MCTP1: variants seen among roughly 807,000 people sequenced by gnomAD.
The protein encoded by MCTP1 is multiple C2 and transmembrane domain-containing protein 1.
Under a neutral mutation model 120.6 loss-of-function variants are expected in MCTP1, and 69 were observed. That is an observed-to-expected ratio of 0.57 (90% confidence interval 0.47 to 0.70). The LOEUF is 0.70. Ranked by LOEUF, MCTP1 falls within the 30% of genes least tolerant of loss-of-function variation. MCTP1 has a pLI of 0.00. For missense variants in MCTP1, 1,203 were observed against 1,248.8 expected, an observed-to-expected ratio of 0.96 and a Z score of 0.55; for synonymous variants, 529 against 493.1, an observed-to-expected ratio of 1.07 and a Z score of -0.96.
At chr5:94,758,206 A>AT (rs1370937111) in intron 19 of MCTP1, among the ~76,000 whole-genome samples, 1 of 152,270 alleles carries the variant, frequency 6.6e-6, no homozygotes, top group Non-Finnish European at 1.5e-5. Flanking sequence ...TTAAGTGCAC[A>AT]TATGCATGAA....
rs1406437661 is a variant in MCTP1 at position 94,704,101 on chromosome 5, A to ATTAT, written c.*3391_*3394dup. The ATTAT allele has an allele frequency of 6.6e-6, 1 of 151,356 alleles. No homozygotes were observed. Among genetic ancestry groups the ATTAT allele is most frequent in the Admixed American group, 6.6e-5 (1 of 15,136 alleles). The allele number at this position is 151,356 out of a possible 1,614,324, so 9.4% of individuals were successfully genotyped here. A position where few individuals can be genotyped will look rare whatever the true frequency, so the allele number is the denominator to read the frequency against. On this transcript the variant is annotated 3_prime_UTR_variant, in exon 23 of 23. Coordinates refer to ENST00000515393, the MANE Select transcript of MCTP1 (RefSeq NM_024717.7). ...ACTATTGTAAGAAAGAATTTACCAC[A>ATTAT]TTATTTTCTATGTGGTTTTAATTCA...
At chr5:95,060,950 A>AAAAG (rs1554196606) in intron 1 of MCTP1, among the ~76,000 whole-genome samples, 23 of 149,316 alleles carry the variant, frequency 1.5e-4, no homozygotes, top group South Asian at 1.2e-3. Context: ...CAAAAAAAAA[A>AAAAG]AAAAGAAAAG....
chr5:95,032,870 T>C (rs1840561647), intron 1 of MCTP1, among the ~76,000 whole-genome samples: 1 of 151,352 alleles, frequency 6.6e-6, no homozygotes, highest in African/African-American at 2.4e-5. Flanking sequence ...AGAGAGAAGG[T>C]TCAAATAAGC....
chr5:95,223,547 A>C (rs2152620917), intron 1 of MCTP1, among the ~76,000 whole-genome samples: 1 of 152,348 alleles, frequency 6.6e-6, no homozygotes, highest in East Asian at 1.9e-4. Flanking sequence ...ATTTTGCTTA[A>C]CAAATGGCTC....
intron 1 of MCTP1, among the ~76,000 whole-genome samples, chr5:95,147,705 G>T (rs1760524752): frequency 6.6e-6 from 1 of 152,074 alleles, no homozygotes; most frequent in African/African-American, 2.4e-5. Context: ...TATATTCATG[G>T]TTAGTATTGA....
chr5:94,708,010 AGCTGATGGTT>A (rs1340261794), intron 22 of MCTP1, among the ~76,000 whole-genome samples: 6 of 151,866 alleles, frequency 4.0e-5, no homozygotes, highest in Non-Finnish European at 8.8e-5. Context: ...TTTTGAAAAC[AGCTGATGGTT>A]AATGGGCATT....
intron 1 of MCTP1, among the ~76,000 whole-genome samples, chr5:95,177,152 T>C (rs1748090129): frequency 6.6e-6 from 1 of 151,156 alleles, no homozygotes; most frequent in East Asian, 1.9e-4. Flanking sequence ...TTTATTTTTA[T>C]ATCTATATTT....
chr5:95,229,656 G>A (rs910299839), intron 1 of MCTP1, among the ~76,000 whole-genome samples: 1 of 151,742 alleles, frequency 6.6e-6, no homozygotes, highest in African/African-American at 2.4e-5. Context: ...CAGGAGAATC[G>A]CTTCAACCTG....
At chr5:95,212,882 C>T (rs1752566889) in intron 1 of MCTP1, among the ~76,000 whole-genome samples, 1 of 152,110 alleles carries the variant, frequency 6.6e-6, no homozygotes, top group Non-Finnish European at 1.5e-5. Context: ...TAAGAGCTAT[C>T]TATGACAAAC....
At chr5:94,895,323 T>C (rs1803697511) in intron 10 of MCTP1, among the ~76,000 whole-genome samples, 2 of 152,318 alleles carry the variant, frequency 1.3e-5, no homozygotes, top group African/African-American at 4.8e-5. Context: ...TTTAAAACCA[T>C]GCCAATATAT....
Position 94,836,627 on chromosome 5 carries a change from T to C in MCTP1, c.2436+31706A>G, listed in dbSNP as rs75655659. 5.5e-3 allele frequency among the ~76,000 whole-genome samples: 841 copies of C among 152,322 alleles called. 10 individuals are homozygous for C. Among genetic ancestry groups the C allele is most frequent in the African/African-American group, 0.019 (777 of 41,556 alleles). On this transcript the variant is annotated intron_variant, in intron 17 of 22. Coordinates refer to ENST00000515393, the MANE Select transcript of MCTP1 (RefSeq NM_024717.7). ...CCCTAGTGATTGCATGATTTCACAGTCTGAGCCTTTGTCTTGGGAATAGAT... is the reference window on the plus strand; with the variant it reads ...CCCTAGTGATTGCATGATTTCACAGCCTGAGCCTTTGTCTTGGGAATAGAT...
At position 95,228,592 on chromosome 5, in the gene MCTP1, T is replaced by C. The variant is rs542326067; in HGVS notation, c.720+55264A>G. Among the ~76,000 whole-genome samples, 16 of 152,148 alleles carry C rather than the reference T, an allele frequency of 1.1e-4. No homozygotes were observed. The East Asian group carries it at 2.1e-3, about 20-fold the overall frequency. ...AAGGAGTGAGGAGAACCCAAATTAG[T>C]AGATAATATGGTTTGGATCTGTGTC... On this transcript the variant is annotated intron_variant, in intron 1 of 22. Coordinates refer to ENST00000515393, the MANE Select transcript of MCTP1 (RefSeq NM_024717.7).
chr5:94,703,724 T>C lies in MCTP1; in HGVS notation c.*3772A>G, dbSNP rs1753948389. On this transcript the variant is annotated 3_prime_UTR_variant, in exon 23 of 23. Coordinates refer to ENST00000515393, the MANE Select transcript of MCTP1 (RefSeq NM_024717.7). ...ATATTTGATTGTTTTTATTTTTTGA[T>C]TCTTAACCCAGATCCCTCCTTTGAA... The C allele has an allele frequency of 6.6e-6, 1 of 151,488 alleles. No individual in the cohort carries two copies. Among genetic ancestry groups the C allele is most frequent in the South Asian group, 2.1e-4 (1 of 4,832 alleles). The allele number at this position is 151,488 out of a possible 1,614,324, so 9.4% of individuals were successfully genotyped here.
intron 1 of MCTP1, among the ~76,000 whole-genome samples, chr5:95,128,624 C>T (rs1253781081): frequency 2.0e-5 from 3 of 152,118 alleles, no homozygotes; most frequent in African/African-American, 4.8e-5. Flanking sequence ...ATAGGCAAAT[C>T]TATGTAGACA....
chr5:94,879,790 C>T (rs188198871), intron 12 of MCTP1, among the ~76,000 whole-genome samples: 56 of 152,174 alleles, frequency 3.7e-4, no homozygotes, highest in African/African-American at 1.1e-3. Flanking sequence ...GATCCCTGAA[C>T]GGGTCTTGGG....
intron 1 of MCTP1, among the ~76,000 whole-genome samples, chr5:95,255,077 T>C (rs1190755477): frequency 6.6e-6 from 1 of 152,220 alleles, no homozygotes; most frequent in Non-Finnish European, 1.5e-5. Context: ...ATAAAATGTA[T>C]GCCTTCATTT....
chr5:95,063,553 T>A (rs1225134103), intron 1 of MCTP1, among the ~76,000 whole-genome samples: 1 of 152,248 alleles, frequency 6.6e-6, no homozygotes, highest in Non-Finnish European at 1.5e-5. Flanking sequence ...TCTGCATTTT[T>A]AAAAAGAAGA....
chr5:94,999,684 T>A (rs1237492864), intron 2 of MCTP1, among the ~76,000 whole-genome samples: 2 of 152,202 alleles, frequency 1.3e-5, no homozygotes, highest in Non-Finnish European at 2.9e-5. Context: ...ATAACACTTT[T>A]AAAAGTAATA....
intron 1 of MCTP1, among the ~76,000 whole-genome samples, chr5:95,026,036 T>A (rs891989341): frequency 9.2e-5 from 14 of 152,114 alleles, no homozygotes; most frequent in Non-Finnish European, 2.9e-5. Flanking sequence ...GATATAAAGG[T>A]GCTGGTAAAA....
Sources: gnomAD v4.1 joint callset for allele counts (sites outside exome capture counted in the v4.1 genomes callset) on GRCh38, gnomAD v4.1.1 for gene constraint, MANE v1.5 for transcripts, NCBI Gene and HGNC (gene_info 2026-07-23, HGNC 2026-07-21) for gene names.